The following GAD2 variants were observed in gnomAD, a reference collection of about 807,000 sequenced individuals.
GAD2 encodes glutamate decarboxylase 2.
GAD2 carries 22 observed loss-of-function variants against 80.1 expected under a neutral mutation model. The observed-to-expected ratio is 0.27, with a 90% CI of 0.20 to 0.39. The LOEUF (loss-of-function observed/expected upper bound fraction) is 0.39, where lower values mean the gene tolerates loss of function less well. GAD2 is among the 10% of genes least tolerant of loss of function. GAD2 has a pLI of 1.00. For synonymous variants in GAD2, 274 were observed against 256.9 expected (o/e 1.07, Z -0.64); for missense variants, 624 against 738.4 (o/e 0.85, Z 1.80).
chr10:26,241,550 CTT>C (rs562624565), intron 7 of GAD2, among the ~76,000 whole-genome samples: 10 of 143,194 alleles, frequency 7.0e-5, no homozygotes, highest in Admixed American at 1.4e-4. Flanking sequence ...CTGCTCATTT[CTT>C]TTTTTTTTTT....
Position 26,300,772 on chromosome 10 carries a change from A to G in GAD2, c.1585-16A>G. ...CCCAGGAGAAAGTCACCATGCTGAT[A>G]TGGTCTGTCCCACAGGTGGCTCCAG... is the stretch of plus-strand genomic sequence containing the variant. On this transcript the variant is annotated splice_polypyrimidine_tract_variant and intron_variant, in intron 15 of 15. Transcript: ENST00000376261. 4 of 1,612,392 alleles carry G rather than the reference A, an allele frequency of 2.5e-6. No homozygotes were observed. Among genetic ancestry groups the G allele is most frequent in the Middle Eastern group, 1.7e-4 (1 of 6,004 alleles).
Position 26,292,883 on chromosome 10 carries a change from C to T in GAD2, c.1495-19C>T. ...TTGCCAGCCTGGGCCAAATGTGAAT[C>T]TTCCTTTCCTCTTTGTAGCCTCAGC... On this transcript the variant is annotated intron_variant, in intron 14 of 15. Transcript: ENST00000376261. 6.2e-7 allele frequency: 1 copy of T among 1,605,716 alleles called. No individual in the cohort carries two copies.
At chr10:26,223,289 A>G (rs1844476304) in intron 4 of GAD2, among the ~76,000 whole-genome samples, 1 of 152,212 alleles carries the variant, frequency 6.6e-6, no homozygotes. Flanking sequence ...CCATCTTTAG[A>G]CAATCATCAC....
intron 8 of GAD2, among the ~76,000 whole-genome samples, chr10:26,247,853 G>GCA (rs1844827847): frequency 7.4e-6 from 1 of 135,260 alleles, no homozygotes; most frequent in Non-Finnish European, 1.5e-5. Flanking sequence ...CCGAGATCAT[G>GCA]CCATTGCACT....
chr10:26,222,061 C>T (rs979491317), intron 4 of GAD2, among the ~76,000 whole-genome samples: 6 of 152,198 alleles, frequency 3.9e-5, no homozygotes, highest in African/African-American at 9.7e-5. Context: ...GTCAAACTAT[C>T]TCCCTCCCTA....
chr10:26,217,991 G>C lies in GAD2; in HGVS notation c.286G>C (p.Asp96His). Reference protein sequence around the residue: ...DVNYAFLHATDLLPACDGERP... With the variant: ...DVNYAFLHATHLLPACDGERP... The stretch of plus-strand genomic sequence containing the variant: ...CAACTACGCGTTTCTCCATGCAACA[G>C]GTAAAGACTCAGCGGGGAGCCCCGG... Residue 96 changes from aspartate to histidine, a missense_variant and splice_region_variant, in exon 3 of 16, where the codon GAC becomes CAC. Asp to His is a moderately conservative substitution (Grantham distance 81). Coordinates refer to ENST00000376261, the MANE Select transcript of GAD2 (RefSeq NM_001134366.2). The surrounding 1 kb of genome is among the most constrained non-coding windows in gnomAD (Gnocchi z 4.9). The C allele has an allele frequency of 1.2e-6, 2 of 1,603,010 alleles. No individual in the cohort carries two copies. The highest frequency in any genetic ancestry group is 1.7e-6 in the Non-Finnish European group (2 of 1,174,286).
intron 13 of GAD2, among the ~76,000 whole-genome samples, chr10:26,289,173 C>T (rs1834186478): frequency 6.6e-6 from 1 of 152,042 alleles, no homozygotes; most frequent in African/African-American, 2.4e-5. Flanking sequence ...ACTCTCACAG[C>T]AAAGCTCTCT....
At chr10:26,286,297 TA>T in intron 12 of GAD2, 47 bp from the exon 13 acceptor site, 1 of 1,522,542 alleles carries the variant, frequency 6.6e-7, no homozygotes, top group Non-Finnish European at 8.9e-7. Flanking sequence ...AATATAAATC[TA>T]ATAAGTAGTC....
In GAD2 at chr10:26,302,454, A is replaced by T. The variant is rs1299853127; in HGVS notation, c.*1493A>T. ...ACCTGATAGAAAAACATGAGCTAACAAAAGCTTCCATAGATATTTATGGGG... is the reference window on the plus strand; with the variant it reads ...ACCTGATAGAAAAACATGAGCTAACTAAAGCTTCCATAGATATTTATGGGG... On this transcript the variant is annotated 3_prime_UTR_variant, in exon 16 of 16. Coordinates refer to ENST00000376261, the MANE Select transcript of GAD2 (RefSeq NM_001134366.2). 2 of 152,252 alleles carry T rather than the reference A, an allele frequency of 1.3e-5. No homozygotes were observed. Among genetic ancestry groups the T allele is most frequent in the Admixed American group, 6.5e-5 (1 of 15,286 alleles). The allele number at this position is 152,252 out of a possible 1,614,324, so 9.4% of individuals were successfully genotyped here.
chr10:26,240,529 C>T (rs758863997), intron 7 of GAD2, among the ~76,000 whole-genome samples: 157 of 152,022 alleles, frequency 1.0e-3, no homozygotes, highest in Non-Finnish European at 1.5e-3. Context: ...ATCAGGAGTT[C>T]GAGACCAGCC....
intron 13 of GAD2, 80 bp downstream of exon 13, chr10:26,286,574 G>A (rs1589153250): frequency 7.3e-7 from 1 of 1,368,080 alleles, no homozygotes; most frequent in Non-Finnish European, 9.7e-7. Flanking sequence ...TGTCAAAAAA[G>A]TGATTTCCAA....
At chr10:26,248,295 G>A (rs753036902) in intron 8 of GAD2, among the ~76,000 whole-genome samples, 2 of 152,252 alleles carry the variant, frequency 1.3e-5, no homozygotes, top group Non-Finnish European at 2.9e-5. Context: ...AGTGGGTTAA[G>A]GAAGAGCAGC....
chr10:26,304,268 C>G lies in GAD2; in HGVS notation c.*3307C>G, dbSNP rs1366626802. ...TAAATATAGTAGCAGGATGAGGAACCTCAAACTGGGTATCATTTTGCACGT... is the reference window on the plus strand; with the variant it reads ...TAAATATAGTAGCAGGATGAGGAACGTCAAACTGGGTATCATTTTGCACGT... On this transcript the variant is annotated 3_prime_UTR_variant, in exon 16 of 16. Transcript: ENST00000376261. 2 of 152,592 alleles carry G rather than the reference C, an allele frequency of 1.3e-5. No homozygotes were observed. Among genetic ancestry groups the G allele is most frequent in the African/African-American group, 4.8e-5 (2 of 41,410 alleles). 9.5% of individuals were successfully genotyped at this position (152,592 alleles called of 1,614,324 possible).
In GAD2 at chr10:26,219,252, A is replaced by G; in HGVS notation, c.496A>G (p.Thr166Ala). The G allele has an allele frequency of 6.2e-7, 1 of 1,610,154 alleles. No individual in the cohort carries two copies. The highest frequency in any genetic ancestry group is 1.3e-5 in the African/African-American group (1 of 74,936). The stretch of plus-strand genomic sequence containing the variant: ...GGAAATTTTGATGCATTGCCAAACA[A>G]CTCTAAAATATGCAATTAAAACAGG... The part of the protein sequence containing the change: ...LEEILMHCQT[T>A]LKYAIKTGHP... Residue 166 changes from threonine (T) to alanine (A), a missense_variant, in exon 4 of 16, where the codon ACT becomes GCT. Transcript: ENST00000376261.
At chr10:26,267,296 G>A (rs926636487) in intron 8 of GAD2, among the ~76,000 whole-genome samples, 6 of 152,188 alleles carry the variant, frequency 3.9e-5, no homozygotes, top group Admixed American at 6.5e-5. Context: ...TAAACTTTAT[G>A]TAAAAGATAA....
At chr10:26,297,018 G>A (rs1359417653) in intron 15 of GAD2, among the ~76,000 whole-genome samples, 1 of 151,976 alleles carries the variant, frequency 6.6e-6, no homozygotes, top group African/African-American at 2.4e-5. Context: ...AGGTTCAAGT[G>A]ATTCTCCCAC....
At chr10:26,246,424 A>C (rs1156320519) in intron 8 of GAD2, among the ~76,000 whole-genome samples, 1 of 152,182 alleles carries the variant, frequency 6.6e-6, no homozygotes, top group Non-Finnish European at 1.5e-5. Flanking sequence ...AAGCACCAGC[A>C]ACTCAACAAC....
chr10:26,274,749 C>T (rs1845178787), intron 11 of GAD2, among the ~76,000 whole-genome samples: 1 of 152,170 alleles, frequency 6.6e-6, no homozygotes, highest in Non-Finnish European at 1.5e-5. Flanking sequence ...ACACAGAGAA[C>T]CCGTGAGTGT....
At chr10:26,254,880 G>A (rs1844925431) in intron 8 of GAD2, among the ~76,000 whole-genome samples, 1 of 152,244 alleles carries the variant, frequency 6.6e-6, no homozygotes, top group African/African-American at 2.4e-5. Context: ...GGTTGAGACA[G>A]GAGGCAAGGA....
Sources: gnomAD v4.1 joint callset for allele counts (sites outside exome capture counted in the v4.1 genomes callset) on GRCh38, gnomAD v4.1.1 for gene constraint, Gnocchi (gnomAD v3.1) non-coding constraint, MANE v1.5 for transcripts, NCBI Gene and HGNC (gene_info 2026-07-23, HGNC 2026-07-21) for gene names.